The following PCDHA6 variants were observed in gnomAD, a reference collection of about 807,000 sequenced individuals.
PCDHA6 encodes the protein protocadherin alpha-6.
Under a neutral mutation model 60.3 loss-of-function variants are expected in PCDHA6, and 55 were observed. The observed-to-expected ratio is 0.91, with a 90% CI of 0.73 to 1.14. The LOEUF is 1.14. Ranked by LOEUF, PCDHA6 falls within the 50% of genes most tolerant of loss-of-function variation. PCDHA6 has a pLI of 0.00. For missense variants in PCDHA6, 1,327 were observed against 1,256.5 expected, an observed-to-expected ratio of 1.06 and a Z score of -0.85; for synonymous variants, 652 against 557.9, an observed-to-expected ratio of 1.17 and a Z score of -2.38.
Position 140,851,538 on chromosome 5 carries a change from A to G in PCDHA6, c.2394+21053A>G. 2.2e-6 allele frequency: 2 copies of G among 905,392 alleles called. 1 individual carries two copies. The highest frequency in any genetic ancestry group is 2.7e-6 in the Non-Finnish European group (2 of 743,116). The allele number at this position is 905,392 out of a possible 1,614,324, so 56.1% of individuals were successfully genotyped here. A position where few individuals can be genotyped will look rare whatever the true frequency, so the allele number is the denominator to read the frequency against. Reference sequence around the variant, plus strand: ...TTTTAAAATGCCTGACAATGTAGATAATTCAAGAAATGTTGACTGAAATTT... The same window carrying G: ...TTTTAAAATGCCTGACAATGTAGATGATTCAAGAAATGTTGACTGAAATTT... On this transcript the variant is annotated intron_variant, in intron 1 of 3. Coordinates refer to ENST00000529310, the MANE Select transcript of PCDHA6 (RefSeq NM_018909.4).
intron 1 of PCDHA6, among the ~76,000 whole-genome samples, chr5:140,908,899 C>CT (rs1382483322): frequency 6.6e-6 from 1 of 152,194 alleles, no homozygotes; most frequent in Non-Finnish European, 1.5e-5. Flanking sequence ...AAATAAGCCT[C>CT]TTTCGTGGTT....
At chr5:140,988,519 T>C (rs187868159) in intron 3 of PCDHA6, among the ~76,000 whole-genome samples, 69 of 152,324 alleles carry the variant, frequency 4.5e-4, no homozygotes, top group African/African-American at 1.5e-3. Context: ...TACTTAAGTC[T>C]CTGCTGGCTC....
chr5:140,948,017 T>TTTTCC (rs1351599974), intron 1 of PCDHA6, among the ~76,000 whole-genome samples: 1 of 151,262 alleles, frequency 6.6e-6, no homozygotes, highest in African/African-American at 2.4e-5. Flanking sequence ...GGAAGTACCC[T>TTTTCC]TTCTGGTTTG....
rs2150218754 is a variant in PCDHA6, at chr5:140,834,459, G to A, written c.2394+3974G>A. On this transcript the variant is annotated intron_variant, in intron 1 of 3. Transcript: ENST00000529310. ...TATTATAATTCTAGCAGCTTGGGAG[G>A]CAGGGAGAGGCCAGCTCCACTACTC... is the stretch of plus-strand genomic sequence containing the variant. 9.3e-6 allele frequency: 15 copies of A among 1,614,052 alleles called. No homozygotes were observed. The highest frequency in any genetic ancestry group is 1.7e-4 in the Middle Eastern group (1 of 6,058).
At chr5:140,851,107 T>C in intron 1 of PCDHA6, 2 of 1,299,568 alleles carry the variant, frequency 1.5e-6, no homozygotes, top group Non-Finnish European at 2.0e-6. Context: ...TTTTGGGTGC[T>C]GAATCAATTT....
At chr5:140,848,505 T>C in intron 1 of PCDHA6, 1 of 1,587,952 alleles carries the variant, frequency 6.3e-7, no homozygotes, top group Non-Finnish European at 8.6e-7. Flanking sequence ...AATGTTATAC[T>C]CAAGTCGAGG....
At chr5:140,955,096 T>G (rs1366148224) in intron 1 of PCDHA6, among the ~76,000 whole-genome samples, 1 of 152,178 alleles carries the variant, frequency 6.6e-6, no homozygotes, top group Non-Finnish European at 1.5e-5. Flanking sequence ...GTGTGTGGTG[T>G]TATTTCTGAG....
At position 140,883,599 on chromosome 5, in the gene PCDHA6, G is replaced by A. The variant is rs1562791244; in HGVS notation, c.2394+53114G>A. ...TGGGCCACGGCCAGCGTGTCGGTGG[G>A]GGTGGCCGACGTGAACGACAACGCG... On this transcript the variant is annotated intron_variant, in intron 1 of 3. Coordinates refer to ENST00000529310, the MANE Select transcript of PCDHA6 (RefSeq NM_018909.4). 4 of 1,614,016 alleles carry A rather than the reference G, an allele frequency of 2.5e-6. No homozygotes were observed. Among genetic ancestry groups the A allele is most frequent in the Non-Finnish European group, 3.4e-6 (4 of 1,179,942 alleles).
At chr5:140,842,727 C>G (rs1554139317) in intron 1 of PCDHA6, 1 of 1,594,926 alleles carries the variant, frequency 6.3e-7, no homozygotes, top group East Asian at 2.2e-5. Context: ...GAGAACAACC[C>G]GCCGGGCTGC....
chr5:140,835,202 G>A, intron 1 of PCDHA6: 1 of 1,560,884 alleles, frequency 6.4e-7, no homozygotes, highest in African/African-American at 1.4e-5. Flanking sequence ...ACGAAGGCTT[G>A]AATGGGGATA....
intron 3 of PCDHA6, among the ~76,000 whole-genome samples, chr5:141,002,971 T>C (rs138459473): frequency 6.6e-6 from 1 of 152,274 alleles, no homozygotes; most frequent in African/African-American, 2.4e-5. Flanking sequence ...TTCCTGAAAA[T>C]AGTATCCTTG....
intron 1 of PCDHA6, among the ~76,000 whole-genome samples, chr5:140,905,012 C>A (rs1335177928): frequency 6.6e-6 from 1 of 152,054 alleles, no homozygotes; most frequent in Non-Finnish European, 1.5e-5. Context: ...TTTGCTAATT[C>A]TTTTCTATGC....
chr5:141,008,641 T>G (rs569373015), intron 3 of PCDHA6, among the ~76,000 whole-genome samples: 1 of 152,344 alleles, frequency 6.6e-6, no homozygotes, highest in Admixed American at 6.5e-5. Context: ...TAACAATTTC[T>G]TCTTCTGGAG....
At chr5:140,843,912 C>T in intron 1 of PCDHA6, 1 of 634,402 alleles carries the variant, frequency 1.6e-6, no homozygotes, top group East Asian at 2.9e-5. Flanking sequence ...CAAGTTGGGT[C>T]TATCTTGAAA....
In PCDHA6 at chr5:140,869,539, A is replaced by G. The variant is rs782023058; in HGVS notation, c.2394+39054A>G. The G allele has an allele frequency of 2.5e-6, 4 of 1,614,088 alleles. No homozygotes were observed. The South Asian group carries it at 3.3e-5, about 13-fold the overall frequency. On this transcript the variant is annotated intron_variant, in intron 1 of 3. Coordinates refer to ENST00000529310, the MANE Select transcript of PCDHA6 (RefSeq NM_018909.4). ...ACAAAAGCTGCTGATTGCGGAATCT[A>G]AGCAATCGGACTCGCGTTTTCCACT...
chr5:140,901,352 G>T (rs1426715966), intron 1 of PCDHA6, among the ~76,000 whole-genome samples: 2 of 152,138 alleles, frequency 1.3e-5, no homozygotes, highest in East Asian at 3.8e-4. Flanking sequence ...TGATGTCTTA[G>T]ATTTAAGTCT....
chr5:140,860,192 C>CATATATATATATATATATATATATATAT (rs143984774), intron 1 of PCDHA6: 29 of 146,842 alleles, frequency 2.0e-4, no homozygotes, highest in South Asian at 1.3e-3. Context: ...GCTCTCCTTA[C>CATATATATATATATATATATATATATAT]ATATATATCT....
At chr5:140,853,125 C>T (rs2150528645) in intron 1 of PCDHA6, 31 of 553,956 alleles carry the variant, frequency 5.6e-5, no homozygotes, top group South Asian at 1.5e-4. Context: ...ATGATCCTCC[C>T]GCCTCAGCCT....
At chr5:140,882,931 G>A in intron 1 of PCDHA6, 1 of 1,614,206 alleles carries the variant, frequency 6.2e-7, no homozygotes. Context: ...GTAAACCCGA[G>A]CTGACTGGCA....
Sources: allele counts gnomAD v4.1 joint callset (sites outside exome capture counted in the v4.1 genomes callset), GRCh38; gene constraint gnomAD v4.1.1; transcripts MANE v1.5; gene names NCBI Gene and HGNC (gene_info 2026-07-23, HGNC 2026-07-21).